RMDN2: variants seen among roughly 807,000 people sequenced by gnomAD.
RMDN2 encodes the protein regulator of microtubule dynamics protein 2.
In RMDN2, 61 loss-of-function variants were observed where a neutral mutation model predicts 52.8. That is an observed-to-expected ratio of 1.16 (90% CI 0.94 to 1.43). RMDN2 has a LOEUF of 1.43. RMDN2 is among the 40% of genes most tolerant of loss of function. RMDN2 has a pLI of 0.00. For synonymous variants in RMDN2, 180 were observed against 153.1 expected (o/e 1.18, Z -1.30); for missense variants, 592 against 475.3 (o/e 1.25, Z -2.28).
chr2:38,060,992 T>G (rs1419960633), intron 10 of RMDN2, among the ~76,000 whole-genome samples: 1 of 152,180 alleles, frequency 6.6e-6, no homozygotes, highest in East Asian at 1.9e-4. Context: ...AGAAGTTCCA[T>G]TAAGTGCTTA....
intron 10 of RMDN2, among the ~76,000 whole-genome samples, chr2:38,053,005 C>G (rs1253228513): frequency 6.6e-6 from 1 of 152,110 alleles, no homozygotes; most frequent in Non-Finnish European, 1.5e-5. Context: ...TCAAGGCTGC[C>G]AAATGTCAAG....
intron 2 of RMDN2, among the ~76,000 whole-genome samples, chr2:37,938,800 T>C (rs1470360058): frequency 6.6e-6 from 1 of 152,208 alleles, no homozygotes; most frequent in Non-Finnish European, 1.5e-5. Flanking sequence ...TCTTCTTTAT[T>C]AATCTGGCTA....
intron 2 of RMDN2, among the ~76,000 whole-genome samples, chr2:37,933,603 C>G (rs1230298521): frequency 1.3e-5 from 2 of 152,258 alleles, no homozygotes; most frequent in Non-Finnish European, 2.9e-5. Flanking sequence ...AACCCCGTCT[C>G]CACCAAAAAA....
upstream of RMDN2, among the ~76,000 whole-genome samples, chr2:37,922,042 G>A (rs17021750): frequency 0.21 from 32,281 of 152,020 alleles, 4,569 homozygotes; most frequent in East Asian, 0.75. Flanking sequence ...TTGCCTGTGC[G>A]CTTCTCCCTC....
chr2:37,989,693 T>C (rs546960635), intron 6 of RMDN2, 77 bp downstream of exon 6: 1 of 971,594 alleles, frequency 1.0e-6, no homozygotes, highest in Non-Finnish European at 1.6e-6. Flanking sequence ...TAAAAATGTT[T>C]TAATGTAGCC....
At chr2:37,951,850 C>A in intron 2 of RMDN2, 1 of 1,613,596 alleles carries the variant, frequency 6.2e-7, no homozygotes, top group Non-Finnish European at 8.5e-7. Flanking sequence ...CAACAAAGCA[C>A]ATCATCCTTC....
rs1202896207 is a variant in RMDN2, at chr2:37,934,229, C to T, written c.452+4500C>T. Among the ~76,000 whole-genome samples the T allele has an allele frequency of 3.9e-5, 6 of 152,198 alleles. No individual in the cohort carries two copies. In the East Asian group the frequency reaches 1.2e-3, roughly 29 times the overall value. Reference sequence around the variant, plus strand: ...ATCTAATTATATCCTTAGTTGTTGACAAAAACTTGAGTGGAGGACTCATGG... The same window carrying T: ...ATCTAATTATATCCTTAGTTGTTGATAAAAACTTGAGTGGAGGACTCATGG... On this transcript the variant is annotated intron_variant, in intron 2 of 10. Transcript: ENST00000354545.
intron 2 of RMDN2, among the ~76,000 whole-genome samples, chr2:37,940,616 G>A (rs778861557): frequency 1.7e-4 from 26 of 151,862 alleles, no homozygotes; most frequent in Middle Eastern, 3.4e-3. Context: ...TTGTCTTCAC[G>A]CTTTATTTCG....
intron 10 of RMDN2, chr2:38,036,470 G>A (rs1680586546): frequency 6.6e-6 from 1 of 152,194 alleles, no homozygotes; most frequent in African/African-American, 2.4e-5. Context: ...ATGGACTCCA[G>A]GATAGCAAGA....
downstream of RMDN2, among the ~76,000 whole-genome samples, chr2:38,021,616 G>A (rs972826385): frequency 3.3e-5 from 5 of 152,118 alleles, no homozygotes; most frequent in Admixed American, 1.3e-4. Flanking sequence ...ACCACTCACC[G>A]CGAGGGTCCA....
intron 2 of RMDN2, among the ~76,000 whole-genome samples, chr2:37,967,603 T>C (rs946726605): frequency 3.9e-5 from 6 of 152,220 alleles, no homozygotes; most frequent in African/African-American, 1.4e-4. Flanking sequence ...TGAAAGTGTT[T>C]TGAGAAAGTT....
At chr2:37,979,848 A>T (rs918788483) in intron 4 of RMDN2, among the ~76,000 whole-genome samples, 2 of 152,206 alleles carry the variant, frequency 1.3e-5, no homozygotes, top group African/African-American at 4.8e-5. Context: ...GTAGCTAAAA[A>T]ATTGATTTAG....
chr2:37,932,637 G>A (rs1349828468), intron 2 of RMDN2, among the ~76,000 whole-genome samples: 1 of 151,478 alleles, frequency 6.6e-6, no homozygotes. Context: ...CAGTAGGGGC[G>A]GCCGGGCAGA....
At chr2:37,959,581 G>A (rs531131801) in intron 2 of RMDN2, among the ~76,000 whole-genome samples, 1 of 150,236 alleles carries the variant, frequency 6.7e-6, no homozygotes, top group Admixed American at 6.6e-5. Flanking sequence ...CTATTTTGTT[G>A]ATCTTTTCAA....
chr2:37,963,366 G>C (rs1324632426), intron 2 of RMDN2, among the ~76,000 whole-genome samples: 4 of 149,878 alleles, frequency 2.7e-5, no homozygotes, highest in Non-Finnish European at 4.4e-5. Context: ...TTCTCGGAGA[G>C]GGGGATTTGG....
chr2:38,062,779 C>CCCG (rs375545948), intron 10 of RMDN2, among the ~76,000 whole-genome samples: 6 of 136,494 alleles, frequency 4.4e-5, no homozygotes, highest in South Asian at 2.8e-4. Context: ...TCCCCCCCCC[C>CCCG]ACAACAGTCC....
Position 37,934,534 on chromosome 2 carries a change from A to G in RMDN2, c.452+4805A>G, listed in dbSNP as rs111399219. Among the ~76,000 whole-genome samples, 460 of 152,120 alleles carry G rather than the reference A, an allele frequency of 3.0e-3. 2 individuals carry two copies. Among genetic ancestry groups the G allele is most frequent in the Non-Finnish European group, 5.0e-3 (341 of 67,988 alleles). Reference sequence around the variant, plus strand: ...GGTAATCACATGTTGTTACTGATTTATTTATTTATATTTTATTTTTTATTT... The same window carrying G: ...GGTAATCACATGTTGTTACTGATTTGTTTATTTATATTTTATTTTTTATTT... On this transcript the variant is annotated intron_variant, in intron 2 of 10. Transcript: ENST00000354545.
chr2:38,054,964 G>C (rs1468326937), intron 10 of RMDN2, among the ~76,000 whole-genome samples: 3 of 152,136 alleles, frequency 2.0e-5, no homozygotes, highest in Non-Finnish European at 4.4e-5. Flanking sequence ...TGTTATATTT[G>C]TAAAACTAAT....
At chr2:38,066,637 TCTTA>T (rs1256681638) in intron 10 of RMDN2, among the ~76,000 whole-genome samples, 1 of 152,180 alleles carries the variant, frequency 6.6e-6, no homozygotes, top group East Asian at 1.9e-4. Context: ...ACCACGCCTG[TCTTA>T]CTTATGTCCA....
Sources: allele counts gnomAD v4.1 joint callset (sites outside exome capture counted in the v4.1 genomes callset), GRCh38; gene constraint gnomAD v4.1.1; transcripts MANE v1.5; gene names NCBI Gene and HGNC (gene_info 2026-07-23, HGNC 2026-07-21).